PTBP2: variants seen among roughly 807,000 people sequenced by gnomAD.
PTBP2 encodes the protein polypyrimidine tract binding protein 2.
A neutral mutation model predicts 61.4 loss-of-function variants in PTBP2; 13 were observed. The ratio of observed to expected loss-of-function variants is 0.21; its 90% confidence interval spans 0.14 to 0.34. PTBP2 has a LOEUF of 0.34. Among genes scored for constraint, PTBP2 ranks in the 10% least tolerant of loss-of-function variants. The pLI is 1.00. For missense variants in PTBP2, 405 were observed against 642.6 expected, an observed-to-expected ratio of 0.63 and a Z score of 4.00; for synonymous variants, 215 against 218.5, an observed-to-expected ratio of 0.98 and a Z score of 0.14.
intron 13 of PTBP2, 29 bp downstream of exon 13, chr1:96,813,135 G>A: frequency 6.4e-7 from 1 of 1,571,674 alleles, no homozygotes; most frequent in Non-Finnish European, 8.6e-7. Context: ...CTTTAAATTA[G>A]TGACCTGATA....
chr1:96,723,290 A>G (rs1355126643), intron 1 of PTBP2, among the ~76,000 whole-genome samples: 1 of 152,208 alleles, frequency 6.6e-6, no homozygotes, highest in Non-Finnish European at 1.5e-5. Flanking sequence ...CATTGTAGAA[A>G]TGGCATAGTG....
intron 5 of PTBP2, among the ~76,000 whole-genome samples, chr1:96,774,617 C>G (rs1475388326): frequency 6.6e-6 from 1 of 152,204 alleles, no homozygotes; most frequent in Non-Finnish European, 1.5e-5. Context: ...CTGGTTTTCT[C>G]CATCTTTCCT....
In PTBP2 at chr1:96,721,891, GAGA is replaced by G; in HGVS notation, c.8+22_8+24del. On this transcript the variant is annotated intron_variant, in intron 1 of 13. Coordinates refer to ENST00000674951, the MANE Select transcript of PTBP2 (RefSeq NM_021190.4). The stretch of plus-strand genomic sequence containing the variant: ...TGGACGGGTATGTAATCGGGCCGGC[GAGA>G]AGGTGTGTGTGAGAGAGGAGTTGGA... 1 of 1,573,634 alleles carries G rather than the reference GAGA, an allele frequency of 6.4e-7. No individual in the cohort carries two copies. Among genetic ancestry groups the G allele is most frequent in the Admixed American group, 1.9e-5 (1 of 53,494 alleles).
intron 2 of PTBP2, among the ~76,000 whole-genome samples, chr1:96,727,750 G>T (rs1256336862): frequency 6.6e-6 from 1 of 152,018 alleles, no homozygotes; most frequent in Non-Finnish European, 1.5e-5. Flanking sequence ...ATTTTAAATT[G>T]AGTTTTGAGA....
chr1:96,724,571 G>T (rs941273166), intron 2 of PTBP2, among the ~76,000 whole-genome samples: 24 of 151,620 alleles, frequency 1.6e-4, no homozygotes, highest in Admixed American at 3.3e-4. Context: ...GGCCTGTATT[G>T]TCATTTTTCA....
intron 2 of PTBP2, among the ~76,000 whole-genome samples, chr1:96,737,015 T>C (rs1280240860): frequency 1.3e-5 from 2 of 151,716 alleles, no homozygotes; most frequent in African/African-American, 4.8e-5. Flanking sequence ...AGTCTCCCTT[T>C]GTTGCCCAGG....
At position 96,790,505 on chromosome 1, in the gene PTBP2, CT is replaced by C. The variant is rs142818696; in HGVS notation, c.904+5252del. On this transcript the variant is annotated intron_variant, in intron 8 of 13. Coordinates refer to ENST00000674951, the MANE Select transcript of PTBP2 (RefSeq NM_021190.4). Reference sequence around the variant, plus strand: ...GGTTGCAAATATTGCTTTTTCTCCCCTAATTCACATATTCCTTCTCTACATT... The same window carrying C: ...GGTTGCAAATATTGCTTTTTCTCCCCAATTCACATATTCCTTCTCTACATT... Among the ~76,000 whole-genome samples the C allele has an allele frequency of 7.1e-3, 1,085 of 152,178 alleles. 34 individuals are homozygous for C. The highest frequency in any genetic ancestry group is 0.066 in the East Asian group (342 of 5,182).
intron 3 of PTBP2, among the ~76,000 whole-genome samples, chr1:96,765,609 G>A (rs1401407290): frequency 6.6e-6 from 1 of 152,034 alleles, no homozygotes; most frequent in Non-Finnish European, 1.5e-5. Context: ...TACATGGGAG[G>A]CTGTGGCACG....
intron 2 of PTBP2, among the ~76,000 whole-genome samples, chr1:96,725,807 C>T (rs556954161): frequency 6.6e-5 from 10 of 151,892 alleles, no homozygotes; most frequent in African/African-American, 9.6e-5. Flanking sequence ...AGGCCGGGCG[C>T]GGTGGGTCAC....
chr1:96,787,806 G>A (rs1421794238), intron 8 of PTBP2, among the ~76,000 whole-genome samples: 1 of 152,128 alleles, frequency 6.6e-6, no homozygotes, highest in Non-Finnish European at 1.5e-5. Flanking sequence ...TGCGTAGCAT[G>A]TTCATGGGTA....
intron 5 of PTBP2, among the ~76,000 whole-genome samples, chr1:96,774,134 G>A (rs922138008): frequency 1.1e-4 from 15 of 142,640 alleles, no homozygotes; most frequent in African/African-American, 3.0e-4. Flanking sequence ...AAAAAAAAAA[G>A]GAAGAAATTC....
intron 7 of PTBP2, among the ~76,000 whole-genome samples, chr1:96,784,121 G>A (rs1408276714): frequency 6.6e-6 from 1 of 152,066 alleles, no homozygotes; most frequent in Non-Finnish European, 1.5e-5. Flanking sequence ...TTCTTCTAAT[G>A]AAAAGTTAAC....
At chr1:96,769,597 T>C (rs920166344) in intron 3 of PTBP2, 106 bp from the exon 4 acceptor site, 14 of 786,928 alleles carry the variant, frequency 1.8e-5, no homozygotes, top group East Asian at 2.9e-5. Context: ...TTCTCAGCTA[T>C]GTTTTTAAGT....
chr1:96,761,783 G>C (rs1000558699), intron 3 of PTBP2, among the ~76,000 whole-genome samples: 3 of 151,656 alleles, frequency 2.0e-5, no homozygotes, highest in Non-Finnish European at 4.4e-5. Flanking sequence ...GGTGTTTCTC[G>C]CAGAGGGGGA....
At chr1:96,735,858 G>A (rs1296999632) in intron 2 of PTBP2, among the ~76,000 whole-genome samples, 1 of 152,148 alleles carries the variant, frequency 6.6e-6, no homozygotes, top group Non-Finnish European at 1.5e-5. Context: ...TAATTTTTCA[G>A]AATTGGTGAG....
chr1:96,738,418 T>C (rs1331083320), intron 2 of PTBP2, among the ~76,000 whole-genome samples: 4 of 151,980 alleles, frequency 2.6e-5, no homozygotes, highest in Non-Finnish European at 5.9e-5. Context: ...GGACTGCAGG[T>C]GCCTGCCACC....
At chr1:96,822,766 C>G (rs1037194503) in exon 14 of PTBP2, 1 of 152,044 alleles carries the variant, frequency 6.6e-6, no homozygotes, top group Non-Finnish European at 1.5e-5. Flanking sequence ...AGTAAAGCTG[C>G]GTAATACTTT....
intron 2 of PTBP2, among the ~76,000 whole-genome samples, chr1:96,733,978 C>T (rs780794997): frequency 1.3e-5 from 2 of 152,110 alleles, no homozygotes; most frequent in African/African-American, 2.4e-5. Context: ...TCTTGGTCTA[C>T]GTGTGTTCCT....
chr1:96,811,653 T>G (rs1662097690), intron 11 of PTBP2, among the ~76,000 whole-genome samples: 2 of 152,162 alleles, frequency 1.3e-5, no homozygotes, highest in Non-Finnish European at 2.9e-5. Context: ...CTAGACCTTG[T>G]GATCCGCCCA....
Sources: allele counts gnomAD v4.1 joint callset (sites outside exome capture counted in the v4.1 genomes callset), GRCh38; gene constraint gnomAD v4.1.1; transcripts MANE v1.5; gene names NCBI Gene and HGNC (gene_info 2026-07-23, HGNC 2026-07-21).